ANO10: variants seen among roughly 807,000 people sequenced by gnomAD.
ANO10 encodes the protein anoctamin-10.
In ANO10, 77 loss-of-function variants were observed where a neutral mutation model predicts 74.7. The ratio of observed to expected loss-of-function variants is 1.03; its 90% CI spans 0.86 to 1.25. The LOEUF is 1.25. ANO10 is among the 50% of genes most tolerant of loss of function. The pLI is 0.00. For missense variants in ANO10, 721 were observed against 778.1 expected, an observed-to-expected ratio of 0.93 and a Z score of 0.87; for synonymous variants, 279 against 284.9, an observed-to-expected ratio of 0.98 and a Z score of 0.21.
At chr3:43,483,040 T>C (rs1471421425) in intron 11 of ANO10, among the ~76,000 whole-genome samples, 1 of 152,222 alleles carries the variant, frequency 6.6e-6, no homozygotes, top group Non-Finnish European at 1.5e-5. Flanking sequence ...AAAGATTCAA[T>C]TTTTGGTCAT....
At chr3:43,510,907 A>G (rs985359301) in intron 11 of ANO10, among the ~76,000 whole-genome samples, 27 of 152,292 alleles carry the variant, frequency 1.8e-4, no homozygotes, top group African/African-American at 6.0e-4. Flanking sequence ...TGAAAAAACG[A>G]TATTTTAAAA....
chr3:43,384,380 T>G (rs1336713610), intron 12 of ANO10, among the ~76,000 whole-genome samples: 2 of 152,090 alleles, frequency 1.3e-5, no homozygotes, highest in African/African-American at 4.8e-5. Context: ...TTCAATGCAA[T>G]TTCCATCAAA....
chr3:43,430,826 C>G (rs1484646799), intron 12 of ANO10, among the ~76,000 whole-genome samples: 1 of 151,926 alleles, frequency 6.6e-6, no homozygotes, highest in Non-Finnish European at 1.5e-5. Context: ...AAGATTGAAT[C>G]TTTTGATCCC....
intron 1 of ANO10, among the ~76,000 whole-genome samples, chr3:43,631,516 T>C (rs1322061131): frequency 6.6e-6 from 1 of 152,178 alleles, no homozygotes; most frequent in African/African-American, 2.4e-5. Context: ...GTTTTACTAT[T>C]AGCAAAAGCC....
At chr3:43,563,073 AG>A (rs2080127014) in intron 8 of ANO10, among the ~76,000 whole-genome samples, 1 of 152,232 alleles carries the variant, frequency 6.6e-6, no homozygotes. Flanking sequence ...TCATCTGACA[AG>A]GAACTAATAC....
chr3:43,395,101 T>C (rs1015657188), intron 12 of ANO10, among the ~76,000 whole-genome samples: 3 of 152,124 alleles, frequency 2.0e-5, no homozygotes, highest in African/African-American at 7.2e-5. Context: ...TCTAATACAG[T>C]TCATCTCCAG....
intron 1 of ANO10, among the ~76,000 whole-genome samples, chr3:43,643,502 A>C (rs2083691752): frequency 1.3e-5 from 2 of 151,778 alleles, no homozygotes; most frequent in Admixed American, 6.6e-5. Context: ...AAGAATTCTA[A>C]TTTGCATTTC....
chr3:43,468,559 C>A (rs2149047140), intron 11 of ANO10, among the ~76,000 whole-genome samples: 1 of 152,252 alleles, frequency 6.6e-6, no homozygotes, highest in East Asian at 1.9e-4. Flanking sequence ...AAATGTAAAT[C>A]AAGCTTTACA....
At chr3:43,686,974 T>TA (rs2084283562) in intron 1 of ANO10, among the ~76,000 whole-genome samples, 1 of 151,828 alleles carries the variant, frequency 6.6e-6, no homozygotes, top group Admixed American at 6.6e-5. Flanking sequence ...GCATGCAAAT[T>TA]AGAGTCCAAG....
At chr3:43,494,349 C>A (rs778049530) in intron 11 of ANO10, among the ~76,000 whole-genome samples, 2 of 151,802 alleles carry the variant, frequency 1.3e-5, no homozygotes, top group African/African-American at 2.4e-5. Context: ...GCTACTCAGG[C>A]GGCTGAGGCA....
intron 4 of ANO10, among the ~76,000 whole-genome samples, chr3:43,584,148 C>G (rs895156969): frequency 8.5e-5 from 13 of 152,170 alleles, no homozygotes; most frequent in African/African-American, 3.1e-4. Context: ...AAATGAATGG[C>G]TGTCAAGATG....
At chr3:43,390,690 G>A (rs1432492701) in intron 12 of ANO10, among the ~76,000 whole-genome samples, 1 of 152,156 alleles carries the variant, frequency 6.6e-6, no homozygotes, top group Non-Finnish European at 1.5e-5. Context: ...CTTATGGGGA[G>A]GACTTATGTA....
chr3:43,461,917 T>C (rs544515265), intron 11 of ANO10, among the ~76,000 whole-genome samples: 34 of 152,176 alleles, frequency 2.2e-4, no homozygotes, highest in African/African-American at 5.5e-4. Context: ...TAGAAGATGA[T>C]AGGAAAATGT....
intron 4 of ANO10, among the ~76,000 whole-genome samples, chr3:43,591,010 A>T (rs916254439): frequency 1.3e-5 from 2 of 152,226 alleles, no homozygotes; most frequent in African/African-American, 4.8e-5. Flanking sequence ...CTGTCGCCTG[A>T]GAGCACAGGG....
chr3:43,431,583 C>T (rs2092981607), intron 12 of ANO10, among the ~76,000 whole-genome samples: 1 of 151,832 alleles, frequency 6.6e-6, no homozygotes, highest in Non-Finnish European at 1.5e-5. Context: ...ACTGGCTAGC[C>T]CACATGCCAA....
chr3:43,689,884 G>T (rs146960224), intron 1 of ANO10, among the ~76,000 whole-genome samples: 1 of 152,124 alleles, frequency 6.6e-6, no homozygotes, highest in Non-Finnish European at 1.5e-5. Context: ...CAAGCACCTA[G>T]AACAAAGTGA....
At chr3:43,508,318 AAACTC>A (rs1163809773) in intron 11 of ANO10, among the ~76,000 whole-genome samples, 3 of 152,212 alleles carry the variant, frequency 2.0e-5, no homozygotes, top group Admixed American at 2.0e-4. Flanking sequence ...ATATTTTTTA[AAACTC>A]AACAACTAAA....
rs556540835 is a variant in ANO10 at position 43,406,401 on chromosome 3, T to C, written c.1914+26210A>G. Reference sequence around the variant, plus strand: ...CTATAAATATCATGACGACATTTTTTAGAGGCGCATTTTCAAGTGTTGTGA... The same window carrying C: ...CTATAAATATCATGACGACATTTTTCAGAGGCGCATTTTCAAGTGTTGTGA... On this transcript the variant is annotated intron_variant, in intron 12 of 12. Transcript: ENST00000292246. 1.2e-4 allele frequency among the ~76,000 whole-genome samples: 18 copies of C among 152,300 alleles called. No homozygotes were observed. In the South Asian group the frequency reaches 2.7e-3, roughly 23 times the overall value.
intron 1 of ANO10, among the ~76,000 whole-genome samples, chr3:43,671,058 C>T (rs1353765463): frequency 1.3e-5 from 2 of 152,102 alleles, no homozygotes; most frequent in African/African-American, 4.8e-5. Flanking sequence ...AATAGAACCT[C>T]TCTATTCTCT....
Sources: allele counts gnomAD v4.1 joint callset (sites outside exome capture counted in the v4.1 genomes callset), GRCh38; gene constraint gnomAD v4.1.1; transcripts MANE v1.5; gene names NCBI Gene and HGNC (gene_info 2026-07-23, HGNC 2026-07-21).